RAD51B: variants seen among roughly 807,000 people sequenced by gnomAD.
RAD51B encodes the protein DNA repair protein RAD51 homolog 2.
A neutral mutation model predicts 42.2 loss-of-function variants in RAD51B; 38 were observed. The observed-to-expected ratio is 0.90, with a 90% CI of 0.70 to 1.18. The LOEUF is 1.18. RAD51B is among the 50% of genes most tolerant of loss of function. The pLI is 0.00. For missense variants in RAD51B, 373 were observed against 400.7 expected, an observed-to-expected ratio of 0.93 and a Z score of 0.59; for synonymous variants, 154 against 145.2, an observed-to-expected ratio of 1.06 and a Z score of -0.43.
intron 7 of RAD51B, among the ~76,000 whole-genome samples, chr14:68,188,413 A>ATCTTTCTTCTTTCTCCTCT (rs2079199692): frequency 7.9e-6 from 1 of 126,036 alleles, no homozygotes; most frequent in African/African-American, 3.1e-5. Flanking sequence ...CCTTTCTCCC[A>ATCTTTCTTCTTTCTCCTCT]TCTTTCTTCT....
chr14:68,524,930 T>C (rs1018891897), intron 10 of RAD51B, among the ~76,000 whole-genome samples: 3 of 152,254 alleles, frequency 2.0e-5, no homozygotes, highest in Non-Finnish European at 4.4e-5. Context: ...CCTTTCCATC[T>C]GTGGCCTGTG....
chr14:68,678,361 T>C (rs1321632435), intron 11 of RAD51B, among the ~76,000 whole-genome samples: 3 of 152,200 alleles, frequency 2.0e-5, no homozygotes, highest in Non-Finnish European at 4.4e-5. Flanking sequence ...TGAATTGTTA[T>C]TTGAAAGAGA....
At chr14:68,460,534 C>A (rs965315997) in intron 9 of RAD51B, among the ~76,000 whole-genome samples, 2 of 152,198 alleles carry the variant, frequency 1.3e-5, no homozygotes, top group African/African-American at 4.8e-5. Context: ...CTGCTCCACA[C>A]TGGCCTTCCT....
chr14:68,218,978 G>A (rs1449902898), intron 7 of RAD51B, among the ~76,000 whole-genome samples: 2 of 152,210 alleles, frequency 1.3e-5, no homozygotes, highest in African/African-American at 4.8e-5. Context: ...GAAAATTTCT[G>A]CAGCCTGATG....
chr14:67,825,566 A>G lies in RAD51B; in HGVS notation c.187A>G (p.Lys63Glu), dbSNP rs377419915. 8.1e-5 allele frequency: 129 copies of G among 1,600,958 alleles called. No homozygotes were observed. The highest frequency in any genetic ancestry group is 1.1e-4 in the Non-Finnish European group (127 of 1,170,484). ...LCMVSRACAP[K>E]MQTAYGIKAQ... ...TATGGTCAGCAGGGCCTGTGCCCCA[A>G]AGATGCAAACGGTATATTTATATTT... is the stretch of plus-strand genomic sequence containing the variant. The change falls in exon 3 of 11, where the codon AAG (lysine) becomes GAG (glutamate). Residue 63 changes from lysine to glutamate, a missense_variant. Physicochemically the swap from Lys to Glu is moderately conservative, Grantham distance 56. Coordinates refer to ENST00000471583, the MANE Select transcript of RAD51B (RefSeq NM_133510.4).
chr14:68,542,062 AT>A (rs935805056), intron 10 of RAD51B, among the ~76,000 whole-genome samples: 1 of 152,256 alleles, frequency 6.6e-6, no homozygotes. Context: ...TACAAAAGTA[AT>A]TTTTTTAAAG....
chr14:68,245,900 G>A (rs1362777500), intron 7 of RAD51B, among the ~76,000 whole-genome samples: 1 of 152,050 alleles, frequency 6.6e-6, no homozygotes, highest in Non-Finnish European at 1.5e-5. Flanking sequence ...GGTAGTGCGG[G>A]GAGTGAAGGA....
intron 7 of RAD51B, among the ~76,000 whole-genome samples, chr14:68,128,839 A>G (rs911898703): frequency 6.6e-6 from 1 of 152,214 alleles, no homozygotes; most frequent in Non-Finnish European, 1.5e-5. Flanking sequence ...GTAGCTCTCT[A>G]TTTTAAAAGA....
At chr14:68,304,839 A>T (rs2081826691) in intron 8 of RAD51B, among the ~76,000 whole-genome samples, 1 of 152,166 alleles carries the variant, frequency 6.6e-6, no homozygotes, top group African/African-American at 2.4e-5. Context: ...TGGTATGTTC[A>T]AGCCTCAGAC....
intron 3 of RAD51B, among the ~76,000 whole-genome samples, chr14:67,831,725 G>A (rs2041055177): frequency 6.6e-6 from 1 of 151,140 alleles, no homozygotes; most frequent in African/African-American, 2.4e-5. Context: ...TGTATTTTTA[G>A]TAGAGATGGG....
intron 8 of RAD51B, among the ~76,000 whole-genome samples, chr14:68,357,956 G>A (rs546128320): frequency 1.3e-5 from 2 of 152,112 alleles, no homozygotes; most frequent in Non-Finnish European, 2.9e-5. Context: ...GCCATTGTAG[G>A]GTTAATTGGC....
intron 9 of RAD51B, among the ~76,000 whole-genome samples, chr14:68,456,976 G>C (rs190538234): frequency 2.4e-5 from 3 of 125,732 alleles, no homozygotes; most frequent in Non-Finnish European, 4.7e-5. Context: ...GCAGTAGCAC[G>C]ATCTTGGCTC....
intron 8 of RAD51B, among the ~76,000 whole-genome samples, chr14:68,315,646 C>T (rs929610621): frequency 3.9e-5 from 6 of 152,080 alleles, no homozygotes; most frequent in African/African-American, 9.7e-5. Flanking sequence ...CTCAGCCTCC[C>T]GAGTAGCTGG....
At chr14:68,094,043 A>G (rs1365675196) in intron 7 of RAD51B, among the ~76,000 whole-genome samples, 1 of 152,134 alleles carries the variant, frequency 6.6e-6, no homozygotes, top group Non-Finnish European at 1.5e-5. Context: ...TTCCAAACTA[A>G]TGGGTGTAAA....
chr14:67,974,416 T>A (rs977517381), intron 7 of RAD51B, among the ~76,000 whole-genome samples: 4 of 152,134 alleles, frequency 2.6e-5, no homozygotes, highest in African/African-American at 9.6e-5. Flanking sequence ...GATATTGATC[T>A]ATGTACTGAG....
intron 8 of RAD51B, among the ~76,000 whole-genome samples, chr14:68,353,161 A>T (rs1256679032): frequency 6.6e-6 from 1 of 152,196 alleles, no homozygotes; most frequent in Non-Finnish European, 1.5e-5. Context: ...GGAGGAACAC[A>T]TATCCCAATT....
At chr14:68,008,638 C>A (rs2075631575) in intron 7 of RAD51B, among the ~76,000 whole-genome samples, 1 of 151,878 alleles carries the variant, frequency 6.6e-6, no homozygotes, top group Non-Finnish European at 1.5e-5. Flanking sequence ...GCAGTGAGAC[C>A]TTTTCCCATT....
intron 11 of RAD51B, among the ~76,000 whole-genome samples, chr14:68,669,276 C>A (rs374545057): frequency 6.6e-6 from 1 of 152,224 alleles, no homozygotes; most frequent in African/African-American, 2.4e-5. Context: ...ACAGACTGAA[C>A]TTTACATAGG....
chr14:68,582,030 T>C (rs143523124), intron 10 of RAD51B, among the ~76,000 whole-genome samples: 504 of 152,248 alleles, frequency 3.3e-3, no homozygotes, highest in Non-Finnish European at 5.3e-3. Context: ...AAGACTTAAA[T>C]GTAACATCTA....
Sources: gnomAD v4.1 joint callset for allele counts (sites outside exome capture counted in the v4.1 genomes callset) on GRCh38, gnomAD v4.1.1 for gene constraint, MANE v1.5 for transcripts, NCBI Gene and HGNC (gene_info 2026-07-23, HGNC 2026-07-21) for gene names.